Variants in PARN observed in about 807,000 individuals in gnomAD.
PARN encodes the protein poly(A)-specific ribonuclease, also known as poly(A)-specific ribonuclease PARN.
In PARN, 71 loss-of-function variants were observed where a neutral mutation model predicts 102.8. The ratio of observed to expected loss-of-function variants is 0.69; its 90% CI spans 0.57 to 0.84. PARN has a LOEUF of 0.84. Ranked by LOEUF, PARN falls within the 40% of genes least tolerant of loss-of-function variation. PARN has a pLI of 0.00. For missense variants in PARN, 782 were observed against 760.9 expected (o/e 1.03, Z -0.33); for synonymous variants, 261 against 252.9 (o/e 1.03, Z -0.30).
intron 18 of PARN, among the ~76,000 whole-genome samples, chr16:14,574,984 C>T (rs982322806): frequency 2.6e-5 from 4 of 152,168 alleles, no homozygotes; most frequent in African/African-American, 7.2e-5. Flanking sequence ...AGGGTGGAAG[C>T]CCTAGGCCTT....
intron 21 of PARN, among the ~76,000 whole-genome samples, chr16:14,526,277 C>A (rs1275381288): frequency 2.0e-5 from 3 of 151,518 alleles, no homozygotes; most frequent in Admixed American, 6.6e-5. Flanking sequence ...CCCGGGTTCA[C>A]GCCATTCTCC....
At chr16:14,441,436 A>C (rs1044835982) in intron 23 of PARN, among the ~76,000 whole-genome samples, 7 of 152,266 alleles carry the variant, frequency 4.6e-5, no homozygotes, top group Non-Finnish European at 7.3e-5. Flanking sequence ...GGATTCTAAG[A>C]AGCTGCACAG....
chr16:14,465,720 A>G (rs905819624), intron 22 of PARN, among the ~76,000 whole-genome samples: 1 of 152,222 alleles, frequency 6.6e-6, no homozygotes, highest in Non-Finnish European at 1.5e-5. Context: ...TATGAAAAAG[A>G]AGACCAAAGA....
chr16:14,588,905 C>T (rs1225398834), intron 13 of PARN, among the ~76,000 whole-genome samples: 3 of 150,288 alleles, frequency 2.0e-5, no homozygotes, highest in East Asian at 4.0e-4. Flanking sequence ...ACAGGCTGGG[C>T]GTGGTGGCTC....
intron 18 of PARN, among the ~76,000 whole-genome samples, chr16:14,566,462 G>A (rs1203588285): frequency 6.6e-6 from 1 of 152,214 alleles, no homozygotes; most frequent in Non-Finnish European, 1.5e-5. Flanking sequence ...AGCCTCTGGA[G>A]GGAGCTCAGC....
chr16:14,592,329 C>T lies in PARN; in HGVS notation c.918+972G>A, dbSNP rs1158824611. Among the ~76,000 whole-genome samples, 3 of 152,134 alleles carry T rather than the reference C, an allele frequency of 2.0e-5. No homozygotes were observed. The East Asian group carries it at 5.8e-4, about 29-fold the overall frequency. ...TCTGGAGTCCAGCATGAAATGTATA[C>T]CTGGATCTGAACAGAGACCACAGCT... On this transcript the variant is annotated intron_variant, in intron 13 of 23. Transcript: ENST00000437198.
chr16:14,489,574 A>G (rs377600443), intron 21 of PARN, among the ~76,000 whole-genome samples: 2 of 152,098 alleles, frequency 1.3e-5, no homozygotes, highest in African/African-American at 4.8e-5. Flanking sequence ...TCCTGTTTCA[A>G]TGTCTTCGGT....
intron 22 of PARN, among the ~76,000 whole-genome samples, chr16:14,455,055 A>G (rs1050535850): frequency 1.3e-5 from 2 of 152,250 alleles, no homozygotes; most frequent in African/African-American, 2.4e-5. Flanking sequence ...TGAATGCCAA[A>G]TATCATTTAA....
chr16:14,487,602 G>T (rs1442232768), intron 21 of PARN, among the ~76,000 whole-genome samples: 1 of 151,910 alleles, frequency 6.6e-6, no homozygotes, highest in African/African-American at 2.4e-5. Flanking sequence ...TGTGGAACAG[G>T]GCTAACTCAT....
intron 21 of PARN, among the ~76,000 whole-genome samples, chr16:14,494,556 A>T (rs1964212534): frequency 6.6e-6 from 1 of 152,156 alleles, no homozygotes; most frequent in African/African-American, 2.4e-5. Flanking sequence ...TGATGAGGTG[A>T]CTCATCTGAG....
chr16:14,587,989 C>G (rs1326940030), intron 13 of PARN, among the ~76,000 whole-genome samples: 1 of 152,156 alleles, frequency 6.6e-6, no homozygotes, highest in Non-Finnish European at 1.5e-5. Context: ...ACCCCTTGTC[C>G]AAGGAGCTAA....
chr16:14,457,604 C>A (rs888385150), intron 22 of PARN, among the ~76,000 whole-genome samples: 1 of 151,734 alleles, frequency 6.6e-6, no homozygotes, highest in African/African-American at 2.4e-5. Context: ...TCGAGACCAG[C>A]CTGGCCAACA....
At chr16:14,569,077 T>G (rs1189613659) in intron 18 of PARN, among the ~76,000 whole-genome samples, 1 of 151,632 alleles carries the variant, frequency 6.6e-6, no homozygotes, top group African/African-American at 2.4e-5. Context: ...CCGGGTATGG[T>G]GGCTTGAGCC....
At chr16:14,496,163 C>T (rs1414519087) in intron 21 of PARN, among the ~76,000 whole-genome samples, 2 of 152,338 alleles carry the variant, frequency 1.3e-5, no homozygotes, top group Non-Finnish European at 2.9e-5. Context: ...CTGAAGATGG[C>T]GATTCTGACA....
At chr16:14,529,556 C>A (rs1417279579) in intron 21 of PARN, among the ~76,000 whole-genome samples, 1 of 152,136 alleles carries the variant, frequency 6.6e-6, no homozygotes, top group African/African-American at 2.4e-5. Flanking sequence ...CCCACTGCGC[C>A]CTATGAAAGA....
At chr16:14,625,538 T>C (rs904335226) in intron 5 of PARN, among the ~76,000 whole-genome samples, 2 of 152,280 alleles carry the variant, frequency 1.3e-5, no homozygotes, top group Non-Finnish European at 2.9e-5. Flanking sequence ...ACTCTTTAAG[T>C]ATCCCATACC....
At chr16:14,627,475 T>C (rs1972748274) in intron 3 of PARN, 139 bp from the exon 4 acceptor site, 2 of 636,594 alleles carry the variant, frequency 3.1e-6, no homozygotes, top group Admixed American at 2.7e-5. Context: ...ATTACACATA[T>C]GAATCAGAAG....
At chr16:14,608,161 A>C in intron 9 of PARN, 120 bp downstream of exon 9, 1 of 718,056 alleles carries the variant, frequency 1.4e-6, no homozygotes, top group Non-Finnish European at 2.4e-6. Flanking sequence ...GGGGAACTTC[A>C]TGTAGTCAAA....
chr16:14,489,044 G>A (rs1963901600), intron 21 of PARN, among the ~76,000 whole-genome samples: 1 of 152,110 alleles, frequency 6.6e-6, no homozygotes, highest in East Asian at 1.9e-4. Context: ...TCTCAGTGAT[G>A]TAACGGTGAA....
Sources: gnomAD v4.1 joint callset for allele counts (sites outside exome capture counted in the v4.1 genomes callset) on GRCh38, gnomAD v4.1.1 for gene constraint, MANE v1.5 for transcripts, NCBI Gene and HGNC (gene_info 2026-07-23, HGNC 2026-07-21) for gene names.